Variants in REC114 observed in about 807,000 individuals in gnomAD.
REC114 encodes the protein REC114 meiotic recombination protein.
REC114 carries 27 observed loss-of-function variants against 31.3 expected under a neutral mutation model. The observed-to-expected ratio is 0.86, with a 90% CI of 0.64 to 1.19. The LOEUF is 1.19. Ranked by LOEUF, REC114 falls within the 50% of genes most tolerant of loss-of-function variation. REC114 has a pLI of 0.00. For synonymous variants in REC114, 134 were observed against 127.7 expected (o/e 1.05, Z -0.33); for missense variants, 344 against 326.9 (o/e 1.05, Z -0.40).
At chr15:73,490,762 C>T (rs1183324619) in intron 2 of REC114, among the ~76,000 whole-genome samples, 2 of 152,078 alleles carry the variant, frequency 1.3e-5, no homozygotes, top group African/African-American at 4.8e-5. Context: ...ATGTATTCAA[C>T]TATATAAACC....
chr15:73,478,287 A>AAAAAAAAT (rs1893243330), intron 2 of REC114, among the ~76,000 whole-genome samples: 1 of 149,632 alleles, frequency 6.7e-6, no homozygotes, highest in Non-Finnish European at 1.5e-5. Flanking sequence ...AAAAAAAAAA[A>AAAAAAAAT]GAATTTGGGT....
At chr15:73,445,004 T>C (rs1213903512) in intron 1 of REC114, among the ~76,000 whole-genome samples, 1 of 152,080 alleles carries the variant, frequency 6.6e-6, no homozygotes, top group Non-Finnish European at 1.5e-5. Context: ...TTCTGAGGAG[T>C]TGGTCTCAAC....
intron 1 of REC114, among the ~76,000 whole-genome samples, chr15:73,457,341 CAT>C (rs909499389): frequency 6.6e-6 from 1 of 152,058 alleles, no homozygotes; most frequent in Non-Finnish European, 1.5e-5. Flanking sequence ...TTTCCTTACG[CAT>C]ATATATATGT....
intron 3 of REC114, among the ~76,000 whole-genome samples, chr15:73,542,027 T>C (rs1236092494): frequency 6.6e-6 from 1 of 152,116 alleles, no homozygotes; most frequent in East Asian, 1.9e-4. Context: ...ATTTCTTTTT[T>C]TTTCACTTAA....
intron 1 of REC114, among the ~76,000 whole-genome samples, chr15:73,462,386 C>T (rs761942689): frequency 7.9e-5 from 12 of 151,818 alleles, no homozygotes; most frequent in Non-Finnish European, 1.2e-4. Flanking sequence ...TGGAATGTCT[C>T]GGTAGAATTA....
chr15:73,525,258 G>A (rs1893989975), intron 2 of REC114, among the ~76,000 whole-genome samples: 2 of 152,044 alleles, frequency 1.3e-5, no homozygotes, highest in Admixed American at 6.6e-5. Flanking sequence ...TTGTGAATTT[G>A]TGTCTTCTCA....
intron 2 of REC114, among the ~76,000 whole-genome samples, chr15:73,516,111 C>G (rs1335052402): frequency 6.6e-6 from 1 of 151,842 alleles, no homozygotes; most frequent in Non-Finnish European, 1.5e-5. Flanking sequence ...CACAGCCCCC[C>G]AATAGCTAGG....
chr15:73,527,729 T>C (rs1894025881), intron 2 of REC114, among the ~76,000 whole-genome samples: 1 of 152,136 alleles, frequency 6.6e-6, no homozygotes, highest in African/African-American at 2.4e-5. Flanking sequence ...CCCATAAAAA[T>C]AGACAGTTCA....
At chr15:73,516,206 G>A (rs897276088) in intron 2 of REC114, among the ~76,000 whole-genome samples, 1 of 151,850 alleles carries the variant, frequency 6.6e-6, no homozygotes, top group Admixed American at 6.6e-5. Flanking sequence ...GGCTAGTCTC[G>A]AACTCCTGAC....
chr15:73,463,892 T>A (rs571408459), intron 1 of REC114, among the ~76,000 whole-genome samples: 5 of 147,212 alleles, frequency 3.4e-5, no homozygotes, highest in African/African-American at 9.7e-5. Context: ...TTTTAAGATC[T>A]TCTTCTATCC....
intron 2 of REC114, among the ~76,000 whole-genome samples, chr15:73,516,235 C>T (rs768722856): frequency 6.6e-6 from 1 of 152,130 alleles, no homozygotes; most frequent in East Asian, 1.9e-4. Context: ...ATCTGCCCGC[C>T]TCGGCCTCCC....
intron 1 of REC114, among the ~76,000 whole-genome samples, chr15:73,454,643 A>G (rs1892892815): frequency 6.6e-6 from 1 of 152,248 alleles, no homozygotes; most frequent in South Asian, 2.1e-4. Flanking sequence ...ATAGGCTGAA[A>G]TACAAAATGA....
At chr15:73,532,253 C>T (rs1171095798) in intron 2 of REC114, among the ~76,000 whole-genome samples, 16 of 149,684 alleles carry the variant, frequency 1.1e-4, no homozygotes, top group African/African-American at 3.5e-4. Flanking sequence ...TTTGTTCTTG[C>T]GATAGTTTAC....
intron 2 of REC114, among the ~76,000 whole-genome samples, chr15:73,494,385 G>A (rs561468539): frequency 7.5e-4 from 114 of 151,860 alleles, no homozygotes; most frequent in Middle Eastern, 6.8e-3. Context: ...CCAGCTACTT[G>A]GGAGGCTGAG....
In REC114 at chr15:73,502,714, T is replaced by C. The variant is rs144895064; in HGVS notation, c.249+28793T>C. Among the ~76,000 whole-genome samples the C allele has an allele frequency of 3.3e-4, 51 of 152,288 alleles. No homozygotes were observed. In the Middle Eastern group the frequency reaches 0.014, roughly 41 times the overall value. ...GGACCTGCACAGTTCAAACCTGTGT[T>C]GTTGAAGGGTCACATGTAATTAGTT... is the stretch of plus-strand genomic sequence containing the variant. On this transcript the variant is annotated intron_variant, in intron 2 of 5. Coordinates refer to ENST00000331090, the MANE Select transcript of REC114 (RefSeq NM_001042367.2).
intron 3 of REC114, among the ~76,000 whole-genome samples, 186 bp from the exon 4 acceptor site, chr15:73,550,752 C>G (rs1894375550): frequency 6.6e-6 from 1 of 152,100 alleles, no homozygotes; most frequent in Non-Finnish European, 1.5e-5. Flanking sequence ...GTATGATGAA[C>G]AACTCCCAAA....
At chr15:73,459,592 A>T (rs563443225) in intron 1 of REC114, among the ~76,000 whole-genome samples, 1 of 152,164 alleles carries the variant, frequency 6.6e-6, no homozygotes, top group Non-Finnish European at 1.5e-5. Context: ...AATTCCAGAT[A>T]TTGTCTTTTA....
At position 73,452,240 on chromosome 15, in the gene REC114, G is replaced by A. The variant is rs567836089; in HGVS notation, c.159+8896G>A. ...GGTTGTATATTTAGAAAACCCAATC[G>A]TCTCAGCCCAAAATCTCCTTAAGCT... On this transcript the variant is annotated intron_variant, in intron 1 of 5. Coordinates refer to ENST00000331090, the MANE Select transcript of REC114 (RefSeq NM_001042367.2). Among the ~76,000 whole-genome samples, 8 of 152,242 alleles carry A rather than the reference G, an allele frequency of 5.3e-5. No individual in the cohort carries two copies. In the East Asian group the frequency reaches 1.2e-3, roughly 22 times the overall value.
intron 2 of REC114, among the ~76,000 whole-genome samples, chr15:73,517,515 AGTG>A (rs1265551411): frequency 6.6e-6 from 1 of 152,194 alleles, no homozygotes; most frequent in Non-Finnish European, 1.5e-5. Flanking sequence ...GTGTTTTAGA[AGTG>A]AGGGGGGGAA....
Sources: gnomAD v4.1 joint callset for allele counts (sites outside exome capture counted in the v4.1 genomes callset) on GRCh38, gnomAD v4.1.1 for gene constraint, MANE v1.5 for transcripts, NCBI Gene and HGNC (gene_info 2026-07-23, HGNC 2026-07-21) for gene names.